Variants in ANKH observed in about 807,000 individuals in gnomAD.
ANKH encodes the protein mineralization regulator ANKH.
In ANKH, 15 loss-of-function variants were observed where a neutral mutation model predicts 49.0. The ratio of observed to expected loss-of-function variants is 0.31; its 90% CI spans 0.20 to 0.47. The LOEUF is 0.47. ANKH is among the 20% of genes least tolerant of loss of function. The probability of loss-of-function intolerance (pLI) is 1.00; values close to 1 mark genes in which losing one functional copy is unlikely to be tolerated. For synonymous variants in ANKH, 273 were observed against 260.0 expected, an observed-to-expected ratio of 1.05 and a Z score of -0.48; for missense variants, 429 against 652.0, an observed-to-expected ratio of 0.66 and a Z score of 3.72.
chr5:14,755,739 G>A, intron 4 of ANKH, 122 bp downstream of exon 4: 1 of 869,434 alleles, frequency 1.2e-6, no homozygotes, highest in Non-Finnish European at 1.9e-6. Context: ...ATGTAACGGT[G>A]CTGGCAAAAC....
At chr5:14,711,353 A>G (rs763670889) in intron 11 of ANKH, 43 bp from the exon 12 acceptor site, 3 of 1,536,228 alleles carry the variant, frequency 2.0e-6, no homozygotes, top group Non-Finnish European at 2.7e-6. Flanking sequence ...GTGGATGGGG[A>G]CACTGCACAG....
At chr5:14,763,530 G>C (rs753208534) in intron 2 of ANKH, among the ~76,000 whole-genome samples, 9 of 152,206 alleles carry the variant, frequency 5.9e-5, no homozygotes, top group Non-Finnish European at 1.3e-4. Context: ...TGTCCAATGT[G>C]GGGGATAGGG....
chr5:14,724,140 A>G (rs1024089550), intron 8 of ANKH, among the ~76,000 whole-genome samples: 3 of 152,160 alleles, frequency 2.0e-5, no homozygotes, highest in African/African-American at 7.2e-5. Flanking sequence ...CAACATGGAG[A>G]AGCCCCATCT....
intron 1 of ANKH, among the ~76,000 whole-genome samples, chr5:14,824,270 T>C (rs1211237149): frequency 6.6e-6 from 1 of 152,148 alleles, no homozygotes; most frequent in Non-Finnish European, 1.5e-5. Context: ...ATCAAGCAGA[T>C]CTAGCCTAGA....
rs149957086 is a variant in ANKH at position 14,793,903 on chromosome 5, C to T, written c.97-24712G>A. On this transcript the variant is annotated intron_variant, in intron 1 of 11. Transcript: ENST00000284268. ...ACTATTGAACAATGAATGGGGCGAC[C>T]GCCCACTGGGAGAAAAATGTTTTTC... 5.2e-3 allele frequency among the ~76,000 whole-genome samples: 792 copies of T among 152,292 alleles called. 7 individuals are homozygous for T. Among genetic ancestry groups the T allele is most frequent in the African/African-American group, 0.018 (768 of 41,548 alleles).
At chr5:14,715,179 T>C (rs1737400590) in intron 9 of ANKH, among the ~76,000 whole-genome samples, 2 of 152,196 alleles carry the variant, frequency 1.3e-5, no homozygotes, top group Admixed American at 1.3e-4. Context: ...TTGCAGAGGC[T>C]GGAGTGCAGT....
rs180829395 is a variant in ANKH, at chr5:14,751,307, G to C, written c.517-68C>G. On this transcript the variant is annotated intron_variant, in intron 4 of 11. Transcript: ENST00000284268. Reference sequence around the variant, plus strand: ...GGAACCGACTGACAGAAGCACAGGGGCACGCTCTTGAACCTGAGACAGACC... The same window carrying C: ...GGAACCGACTGACAGAAGCACAGGGCCACGCTCTTGAACCTGAGACAGACC... 1.4e-3 allele frequency: 2,141 copies of C among 1,511,948 alleles called. 2 individuals are homozygous for C. The highest frequency in any genetic ancestry group is 1.6e-3 in the Non-Finnish European group (1,773 of 1,094,378). 93.7% of individuals were successfully genotyped at this position (1,511,948 alleles called of 1,614,324 possible).
chr5:14,726,160 C>T (rs888492802), intron 8 of ANKH, among the ~76,000 whole-genome samples: 3 of 152,102 alleles, frequency 2.0e-5, no homozygotes, highest in Non-Finnish European at 4.4e-5. Context: ...ATTTGATATA[C>T]TTAGGGGTGG....
At chr5:14,761,310 G>A (rs1283528661) in intron 2 of ANKH, among the ~76,000 whole-genome samples, 3 of 152,162 alleles carry the variant, frequency 2.0e-5, no homozygotes, top group African/African-American at 7.2e-5. Flanking sequence ...GGCAGCCCTG[G>A]AACACAGGTA....
intron 1 of ANKH, among the ~76,000 whole-genome samples, chr5:14,824,284 G>A (rs1741278152): frequency 6.6e-6 from 1 of 152,130 alleles, no homozygotes; most frequent in South Asian, 2.1e-4. Flanking sequence ...GCCTAGAAAT[G>A]ACATGTCTGC....
intron 1 of ANKH, among the ~76,000 whole-genome samples, chr5:14,827,899 C>T (rs554995564): frequency 3.9e-5 from 6 of 152,290 alleles, no homozygotes; most frequent in African/African-American, 1.2e-4. Context: ...TGATTGCCAA[C>T]AGTTTGCAAC....
intron 1 of ANKH, among the ~76,000 whole-genome samples, chr5:14,840,955 G>T (rs552710240): frequency 1.3e-5 from 2 of 152,282 alleles, no homozygotes; most frequent in South Asian, 4.1e-4. Flanking sequence ...TATGCCATTT[G>T]GTTTTTTATA....
rs541178513 is a variant in ANKH at position 14,741,801 on chromosome 5, G to C, written c.1011+26C>G. On this transcript the variant is annotated intron_variant, in intron 8 of 11. Coordinates refer to ENST00000284268, the MANE Select transcript of ANKH (RefSeq NM_054027.6). ...CTTTACAAAAACCAAACAGAGAGAA[G>C]AGGCAGAGAGAGCCTCTGTCCTTAC... The C allele has an allele frequency of 5.7e-6, 9 of 1,577,592 alleles. No individual in the cohort carries two copies. In the South Asian group the frequency reaches 1.0e-4, roughly 17 times the overall value.
At position 14,871,382 on chromosome 5, in the gene ANKH, G is replaced by A. The variant is rs377386565; in HGVS notation, c.66C>T (p.Ile22=). 5.6e-6 allele frequency: 9 copies of A among 1,613,406 alleles called. No homozygotes were observed. The highest frequency in any genetic ancestry group is 7.6e-6 in the Non-Finnish European group (9 of 1,179,742). Residue 22 remains isoleucine, a synonymous_variant, in exon 1 of 12, where the codon ATC becomes ATT. Coordinates refer to ENST00000284268, the MANE Select transcript of ANKH (RefSeq NM_054027.6). The stretch of plus-strand genomic sequence containing the variant: ...CCCCGAAGTCGATGGCTATGTTGGT[G>A]ATGCCCAGGGGCACCAAGAACCGGA... ...PLIRFLVPLG[I]TNIAIDFGEQ... is the part of the protein sequence containing the mutation.
chr5:14,862,213 G>T (rs796567882), intron 1 of ANKH, among the ~76,000 whole-genome samples: 3 of 152,330 alleles, frequency 2.0e-5, no homozygotes, highest in African/African-American at 7.2e-5. Context: ...TCTAGCCTGG[G>T]CAACAAGAGC....
intron 1 of ANKH, among the ~76,000 whole-genome samples, chr5:14,852,170 T>C (rs1742138778): frequency 1.3e-5 from 2 of 152,264 alleles, no homozygotes; most frequent in Non-Finnish European, 2.9e-5. Context: ...TAGTCCCAGC[T>C]ACCTGGGAGG....
At chr5:14,821,733 C>T (rs1741201959) in intron 1 of ANKH, among the ~76,000 whole-genome samples, 1 of 152,208 alleles carries the variant, frequency 6.6e-6, no homozygotes, top group African/African-American at 2.4e-5. Context: ...TAACTGGAGT[C>T]TTTAATTTCT....
chr5:14,768,734 T>G, intron 2 of ANKH: 1 of 585,502 alleles, frequency 1.7e-6, no homozygotes. Flanking sequence ...AATCGCCTAC[T>G]AATGAAATCA....
At chr5:14,852,957 T>G (rs1166379783) in intron 1 of ANKH, among the ~76,000 whole-genome samples, 3 of 152,110 alleles carry the variant, frequency 2.0e-5, no homozygotes, top group African/African-American at 7.2e-5. Context: ...CCCACCCTCC[T>G]GTCCGCCAAA....
Sources: allele counts gnomAD v4.1 joint callset (sites outside exome capture counted in the v4.1 genomes callset), GRCh38; gene constraint gnomAD v4.1.1; transcripts MANE v1.5; gene names NCBI Gene and HGNC (gene_info 2026-07-23, HGNC 2026-07-21).